The following HTT variants were observed in gnomAD, a reference collection of about 807,000 sequenced individuals.
HTT encodes huntingtin, also known as huntington disease protein.
A neutral mutation model predicts 362.3 loss-of-function variants in HTT; 104 were observed. The observed-to-expected ratio is 0.29, with a 90% confidence interval of 0.24 to 0.34. The LOEUF is 0.34. HTT is among the 10% of genes least tolerant of loss of function. The pLI, the probability that HTT is intolerant of heterozygous loss-of-function variation, is 1.00. For missense variants in HTT, 3,301 were observed against 3,928.6 expected (o/e 0.84, Z 4.27); for synonymous variants, 1,577 against 1,548.7 (o/e 1.02, Z -0.43).
intron 29 of HTT, among the ~76,000 whole-genome samples, chr4:3,161,823 T>A (rs553588981): frequency 4.9e-4 from 75 of 152,174 alleles, no homozygotes; most frequent in Non-Finnish European, 9.4e-4. Flanking sequence ...TGGATGTTAA[T>A]CTTTTGTCAG....
In HTT at chr4:3,209,949, G is replaced by T. The variant is rs547119123; in HGVS notation, c.6414G>T (p.Ser2138=). Residue 2138 remains serine (S), a splice_region_variant and synonymous_variant, in exon 47 of 67, where the codon TCG becomes TCT. Transcript: ENST00000355072. The part of the protein sequence containing the change: ...AEDMNAFMMN[S]EFNLSLLAPC... ...ATATGAATGCCTTCATGATGAACTC[G>T]GTACGGGGGGAGCAGTGGAGGCAAG... 1.9e-6 allele frequency: 3 copies of T among 1,613,572 alleles called. No individual in the cohort carries two copies. Among genetic ancestry groups the T allele is most frequent in the South Asian group, 1.1e-5 (1 of 90,988 alleles).
At chr4:3,138,925 T>C (rs1191660557) in intron 21 of HTT, among the ~76,000 whole-genome samples, 2 of 152,196 alleles carry the variant, frequency 1.3e-5, no homozygotes, top group African/African-American at 4.8e-5. Flanking sequence ...TATTTCTTTT[T>C]AAAATAACTT....
chr4:3,140,746 T>A, intron 22 of HTT, 90 bp downstream of exon 22: 1 of 1,312,378 alleles, frequency 7.6e-7, no homozygotes, highest in Non-Finnish European at 1.1e-6. Context: ...CATTTTATTT[T>A]CTAGAAAAAA....
At chr4:3,142,650 A>T in intron 22 of HTT, 116 bp from the exon 23 acceptor site, 1 of 543,970 alleles carries the variant, frequency 1.8e-6, no homozygotes. Flanking sequence ...TTTCACTTAA[A>T]AGTTGAGACT....
At chr4:3,199,047 G>T (rs979732062) in intron 40 of HTT, among the ~76,000 whole-genome samples, 1 of 152,218 alleles carries the variant, frequency 6.6e-6, no homozygotes, top group African/African-American at 2.4e-5. Context: ...TGTAGCTGTG[G>T]CTCAGTCCTG....
Position 3,129,923 on chromosome 4 carries a change from G to A in HTT, c.1744-1G>A, listed in dbSNP as rs1170602920. ...CTCACAGCCCCCCTTGAACCGTTTA[G>A]GTGTTAGACGGTACCGACAACCAGT... On this transcript the variant is annotated splice_acceptor_variant, in intron 12 of 66. Coordinates refer to ENST00000355072, the MANE Select transcript of HTT (RefSeq NM_001388492.1). LOFTEE classifies it high-confidence loss of function. 6.2e-7 allele frequency: 1 copy of A among 1,613,978 alleles called. No individual in the cohort carries two copies. Among genetic ancestry groups the A allele is most frequent in the Non-Finnish European group, 8.5e-7 (1 of 1,179,922 alleles).
chr4:3,176,248 C>T (rs1177825307), intron 33 of HTT, among the ~76,000 whole-genome samples: 1 of 152,084 alleles, frequency 6.6e-6, no homozygotes, highest in African/African-American at 2.4e-5. Flanking sequence ...AGGATGGTCT[C>T]CATCTCCTGA....
intron 46 of HTT, among the ~76,000 whole-genome samples, chr4:3,209,375 T>C (rs980618000): frequency 6.6e-6 from 1 of 152,204 alleles, no homozygotes; most frequent in African/African-American, 2.4e-5. Context: ...TACTCTACTT[T>C]CCTGGACAAA....
chr4:3,153,447 C>T (rs757105102), intron 26 of HTT, among the ~76,000 whole-genome samples: 7 of 152,144 alleles, frequency 4.6e-5, no homozygotes, highest in Non-Finnish European at 1.0e-4. Context: ...TGATGGCTGC[C>T]TCCTAGAGCA....
chr4:3,189,931 G>T (rs1024278253), intron 40 of HTT, among the ~76,000 whole-genome samples: 1 of 152,112 alleles, frequency 6.6e-6, no homozygotes, highest in Non-Finnish European at 1.5e-5. Context: ...CTGGAGGATC[G>T]CTTGAGCCCA....
chr4:3,202,738 G>A (rs1409365016), intron 41 of HTT, among the ~76,000 whole-genome samples: 1 of 152,208 alleles, frequency 6.6e-6, no homozygotes, highest in Non-Finnish European at 1.5e-5. Context: ...TAGGCTAGGT[G>A]TGGTGGCTCA....
chr4:3,230,884 G>T (rs1182930362), intron 60 of HTT, among the ~76,000 whole-genome samples: 1 of 152,186 alleles, frequency 6.6e-6, no homozygotes, highest in Non-Finnish European at 1.5e-5. Context: ...GGAGTTTCAG[G>T]AGGGATAGAA....
chr4:3,223,585 CTG>C, intron 55 of HTT, 25 bp downstream of exon 55: 1 of 1,581,820 alleles, frequency 6.3e-7, no homozygotes, highest in South Asian at 1.2e-5. Context: ...CCACGTGTCT[CTG>C]GGACATAGCA....
chr4:3,242,293 C>G lies in HTT; in HGVS notation c.*2234C>G, dbSNP rs1401136161. ...AGGGGCTCAGAACACCCCGCTCTGG[C>G]AGTAGGTGTCCCCCACCCCCAAAGA... On this transcript the variant is annotated 3_prime_UTR_variant, in exon 67 of 67. Transcript: ENST00000355072. 6.6e-6 allele frequency: 1 copy of G among 152,234 alleles called. No homozygotes were observed. The highest frequency in any genetic ancestry group is 1.9e-4 in the East Asian group (1 of 5,208). 9.4% of individuals were successfully genotyped at this position (152,234 alleles called of 1,614,324 possible).
At chr4:3,135,989 G>A (rs760594625) in intron 20 of HTT, 22 bp downstream of exon 20, 16 of 1,546,666 alleles carry the variant, frequency 1.0e-5, no homozygotes, top group Middle Eastern at 3.4e-4. Flanking sequence ...ATTTTTGTGA[G>A]ATGCTGTTTT....
chr4:3,153,429 C>G (rs1218629914), intron 26 of HTT, among the ~76,000 whole-genome samples: 1 of 152,204 alleles, frequency 6.6e-6, no homozygotes, highest in Admixed American at 6.5e-5. Flanking sequence ...TGCCTTCACT[C>G]TGCTCCATGA....
chr4:3,142,906 G>A lies in HTT; in HGVS notation c.3066+20G>A, dbSNP rs201660180. Reference sequence around the variant, plus strand: ...CTCACAGTAAGTCTCTTTCTTGATCGGTCTTACTGACATTGTAATAGTTTT... The same window carrying A: ...CTCACAGTAAGTCTCTTTCTTGATCAGTCTTACTGACATTGTAATAGTTTT... On this transcript the variant is annotated intron_variant, in intron 23 of 66. Coordinates refer to ENST00000355072, the MANE Select transcript of HTT (RefSeq NM_001388492.1). 35 of 1,606,280 alleles carry A rather than the reference G, an allele frequency of 2.2e-5. 1 individual carries two copies. In the South Asian group the frequency reaches 3.3e-4, roughly 15 times the overall value.
chr4:3,127,977 A>C (rs982437726), intron 12 of HTT, among the ~76,000 whole-genome samples: 3 of 151,772 alleles, frequency 2.0e-5, no homozygotes, highest in African/African-American at 7.3e-5. Context: ...AAAAATAAAA[A>C]AATAAAGTGC....
intron 28 of HTT, among the ~76,000 whole-genome samples, chr4:3,157,433 G>A (rs984995338): frequency 1.3e-5 from 2 of 152,216 alleles, no homozygotes; most frequent in Non-Finnish European, 2.9e-5. Context: ...CAGTGACAGA[G>A]CTAGGATGTG....
Sources: gnomAD v4.1 joint callset for allele counts (sites outside exome capture counted in the v4.1 genomes callset) on GRCh38, gnomAD v4.1.1 for gene constraint, MANE v1.5 for transcripts, NCBI Gene and HGNC (gene_info 2026-07-23, HGNC 2026-07-21) for gene names.